Variants in SYCP2L observed in about 807,000 individuals in gnomAD.
The protein encoded by SYCP2L is synaptonemal complex protein 2-like.
SYCP2L carries 98 observed loss-of-function variants against 125.8 expected under a neutral mutation model. That is an observed-to-expected ratio of 0.78 (90% CI 0.66 to 0.92). The LOEUF (loss-of-function observed/expected upper bound fraction) is 0.92. Among genes scored for constraint, SYCP2L ranks in the 40% least tolerant of loss-of-function variants. The pLI is 0.00. For synonymous variants in SYCP2L, 317 were observed against 325.4 expected, an observed-to-expected ratio of 0.97 and a Z score of 0.28; for missense variants, 842 against 936.4, an observed-to-expected ratio of 0.90 and a Z score of 1.32.
At chr6:10,892,250 G>A (rs767744166) in intron 2 of SYCP2L, among the ~76,000 whole-genome samples, 32 of 152,182 alleles carry the variant, frequency 2.1e-4, no homozygotes, top group Admixed American at 1.3e-4. Context: ...CACGTTCTGC[G>A]GACTAAAGCA....
At chr6:10,903,122 A>G (rs933123702) in intron 8 of SYCP2L, among the ~76,000 whole-genome samples, 159 bp downstream of exon 8, 6 of 152,224 alleles carry the variant, frequency 3.9e-5, no homozygotes, top group African/African-American at 1.2e-4. Context: ...CTAGGTGATA[A>G]AGACGGGCTG....
At chr6:10,925,517 C>G (rs776013740) in intron 15 of SYCP2L, among the ~76,000 whole-genome samples, 1 of 152,156 alleles carries the variant, frequency 6.6e-6, no homozygotes, top group Non-Finnish European at 1.5e-5. Context: ...AGATGGTAGA[C>G]AGGGCAAAGA....
chr6:10,950,941 T>C (rs1781399761), intron 23 of SYCP2L, among the ~76,000 whole-genome samples: 1 of 152,122 alleles, frequency 6.6e-6, no homozygotes, highest in African/African-American at 2.4e-5. Flanking sequence ...ATTATAGGCA[T>C]GAGCCACATG....
intron 14 of SYCP2L, among the ~76,000 whole-genome samples, chr6:10,917,012 T>C (rs934702523): frequency 6.6e-6 from 1 of 152,102 alleles, no homozygotes; most frequent in Non-Finnish European, 1.5e-5. Flanking sequence ...ATAATCATCA[T>C]AATAATTTCA....
At position 10,961,564 on chromosome 6, in the gene SYCP2L, T is replaced by C; in HGVS notation, c.2414+6T>C. The C allele has an allele frequency of 6.2e-7, 1 of 1,614,016 alleles. No individual in the cohort carries two copies. The highest frequency in any genetic ancestry group is 2.2e-5 in the East Asian group (1 of 44,876). The stretch of plus-strand genomic sequence containing the variant: ...TGTGATCTGCAAGTGCTGAGGTACT[T>C]TGAAAGGTGTTCTTTCTAGAAGAAT... On this transcript the variant is annotated splice_donor_region_variant and intron_variant, in intron 28 of 29. Coordinates refer to ENST00000283141, the MANE Select transcript of SYCP2L (RefSeq NM_001040274.3).
chr6:10,927,097 G>C, intron 16 of SYCP2L, 143 bp from the exon 17 acceptor site: 1 of 1,408,340 alleles, frequency 7.1e-7, no homozygotes, highest in Non-Finnish European at 9.3e-7. Flanking sequence ...ATAGCTTTCT[G>C]ATTGGAGGTT....
At chr6:10,891,658 T>TATGTGTATATGA in intron 2 of SYCP2L, 77 bp downstream of exon 2, 1 of 833,988 alleles carries the variant, frequency 1.2e-6, no homozygotes, top group Non-Finnish European at 1.9e-6. Flanking sequence ...TGTGTGTGTG[T>TATGTGTATATGA]GTGTGTATGT....
chr6:10,908,141 G>A (rs1023885087), intron 10 of SYCP2L, among the ~76,000 whole-genome samples: 2 of 151,986 alleles, frequency 1.3e-5, no homozygotes, highest in East Asian at 1.9e-4. Flanking sequence ...GCCCACCTTG[G>A]CCTCCCAAAG....
chr6:10,935,319 G>A (rs1781073036), intron 21 of SYCP2L, 132 bp downstream of exon 21: 2 of 948,866 alleles, frequency 2.1e-6, no homozygotes, highest in Non-Finnish European at 3.1e-6. Flanking sequence ...TTACCTTAAT[G>A]TCTCTTATTA....
chr6:10,905,458 A>G (rs905240371), intron 8 of SYCP2L, among the ~76,000 whole-genome samples: 9 of 151,984 alleles, frequency 5.9e-5, no homozygotes, highest in Admixed American at 2.0e-4. Flanking sequence ...ACACCTGGCT[A>G]GTTTTGTGTT....
intron 1 of SYCP2L, among the ~76,000 whole-genome samples, chr6:10,888,066 C>CTTTTTTT (rs70991066): frequency 4.0e-5 from 3 of 74,316 alleles, no homozygotes; most frequent in African/African-American, 1.6e-4. Flanking sequence ...GTGTTACCAT[C>CTTTTTTT]TTTTTTTTTT....
rs528436820 is a variant in SYCP2L, at chr6:10,941,046, TG to T, written c.1814-1409del. 1.9e-4 allele frequency among the ~76,000 whole-genome samples: 29 copies of T among 152,234 alleles called. No homozygotes were observed. The South Asian group carries it at 5.8e-3, about 31-fold the overall frequency. ...TGACAAACCTGACAAAAACAAGAAA[TG>T]GGGAAAGGATTCCCTATTTAATAAG... On this transcript the variant is annotated intron_variant, in intron 21 of 29. Transcript: ENST00000283141.
chr6:10,935,319 G>T, intron 21 of SYCP2L, 132 bp downstream of exon 21: 2 of 948,866 alleles, frequency 2.1e-6, no homozygotes, highest in Non-Finnish European at 3.1e-6. Flanking sequence ...TTACCTTAAT[G>T]TCTCTTATTA....
rs368839429 is a variant in SYCP2L at position 10,891,550 on chromosome 6, G to A, written c.47G>A (p.Arg16Lys). Residue 16 changes from arginine (R) to lysine (K), a missense_variant, in exon 2 of 30, where the codon AGG (arginine) becomes AAG (lysine). Coordinates refer to ENST00000283141, the MANE Select transcript of SYCP2L (RefSeq NM_001040274.3). The part of the protein sequence containing the change: ...KDALQPIKED[R>K]TGKAQDDAFW... ...GCTTTGCAGCCTATTAAGGAAGACA[G>A]GACTGGGAAGGCCCAGGATGATGCT... 38 of 1,602,936 alleles carry A rather than the reference G, an allele frequency of 2.4e-5. No homozygotes were observed. Among genetic ancestry groups the A allele is most frequent in the Non-Finnish European group, 2.9e-5 (34 of 1,173,520 alleles).
At chr6:10,896,110 C>A (rs1290919324) in intron 4 of SYCP2L, among the ~76,000 whole-genome samples, 7 of 152,174 alleles carry the variant, frequency 4.6e-5, no homozygotes, top group Admixed American at 4.6e-4. Flanking sequence ...GGTGTCACTG[C>A]ACTCCAGTCT....
At chr6:10,927,634 TCACAGGAC>T (rs1202483446) in intron 17 of SYCP2L, among the ~76,000 whole-genome samples, 1 of 152,122 alleles carries the variant, frequency 6.6e-6, no homozygotes, top group African/African-American at 2.4e-5. Context: ...CAGGGCGAGA[TCACAGGAC>T]CACAGGACCG....
rs146316098 is a variant in SYCP2L at position 10,924,032 on chromosome 6, A to G, written c.1073-464A>G. On this transcript the variant is annotated intron_variant, in intron 14 of 29. Transcript: ENST00000283141. ...TCCGTCTCTTCTTCAAGTGGAGTCC[A>G]TTGAAATGGTGGTAGATTATTCCAT... Among the ~76,000 whole-genome samples the G allele has an allele frequency of 1.5e-4, 23 of 152,324 alleles. No homozygotes were observed. The East Asian group carries it at 3.7e-3, about 24-fold the overall frequency.
In SYCP2L at chr6:10,924,568, A is replaced by G; in HGVS notation, c.1145A>G (p.Lys382Arg). The G allele has an allele frequency of 6.2e-7, 1 of 1,606,492 alleles. No individual in the cohort carries two copies. ...PMIISYKEVM[K>R]IEIHFDLQFN... The stretch of plus-strand genomic sequence containing the variant: ...ATTATCAGCTACAAAGAAGTCATGA[A>G]AATAGAAATCCATTTTGATTTGCAG... The change falls in exon 15 of 30, where the codon AAA (lysine) becomes AGA (arginine). Residue 382 changes from lysine (K) to arginine (R), a missense_variant. Physicochemically the swap from Lys to Arg is conservative, Grantham distance 26 (BLOSUM62 2). Coordinates refer to ENST00000283141, the MANE Select transcript of SYCP2L (RefSeq NM_001040274.3).
intron 1 of SYCP2L, among the ~76,000 whole-genome samples, chr6:10,890,159 C>T (rs1001763428): frequency 2.0e-5 from 3 of 152,148 alleles, no homozygotes; most frequent in East Asian, 1.9e-4. Flanking sequence ...TTATGAATAG[C>T]GCTGCAGTAA....
Sources: allele counts gnomAD v4.1 joint callset (sites outside exome capture counted in the v4.1 genomes callset), GRCh38; gene constraint gnomAD v4.1.1; transcripts MANE v1.5; gene names NCBI Gene and HGNC (gene_info 2026-07-23, HGNC 2026-07-21).